NAV3: variants seen among roughly 807,000 people sequenced by gnomAD.
NAV3 encodes the protein pore membrane and/or filament interacting like protein 1.
In NAV3, 87 loss-of-function variants were observed where a neutral mutation model predicts 244.7. The observed-to-expected ratio is 0.36, with a 90% CI of 0.30 to 0.42. The LOEUF (loss-of-function observed/expected upper bound fraction) is 0.42. NAV3 is among the 20% of genes least tolerant of loss of function. NAV3 has a pLI of 1.00. For missense variants in NAV3, 2,663 were observed against 2,893.3 expected, an observed-to-expected ratio of 0.92 and a Z score of 1.83; for synonymous variants, 1,126 against 1,042.2, an observed-to-expected ratio of 1.08 and a Z score of -1.55.
intron 2 of NAV3, among the ~76,000 whole-genome samples, chr12:77,673,004 ATT>A (rs538699479): frequency 1.1e-4 from 16 of 152,162 alleles, no homozygotes; most frequent in African/African-American, 3.9e-4. Flanking sequence ...CGTGATATGT[ATT>A]TGTACATTCA....
Position 78,211,521 on chromosome 12 carries a change from C to G in NAV3, c.*1004C>G, listed in dbSNP as rs1960885289. On this transcript the variant is annotated 3_prime_UTR_variant, in exon 40 of 40. Transcript: ENST00000397909. ...ATAGGAGAAAGATCAGTATTTTTAG[C>G]CTTGTGAATAGATCGCTTTGCCTAT... 1 of 144,320 alleles carries G rather than the reference C, an allele frequency of 6.9e-6. No homozygotes were observed. Among genetic ancestry groups the G allele is most frequent in the Non-Finnish European group, 1.5e-5 (1 of 66,316 alleles). The allele number at this position is 144,320 out of a possible 1,614,324, so 8.9% of individuals were successfully genotyped here.
intron 8 of NAV3, among the ~76,000 whole-genome samples, chr12:78,012,209 T>A (rs1047295852): frequency 6.6e-6 from 1 of 152,144 alleles, no homozygotes; most frequent in Non-Finnish European, 1.5e-5. Flanking sequence ...TAACCCTTCT[T>A]CTGAAACATA....
chr12:78,110,563 A>G (rs1439982923), intron 12 of NAV3, among the ~76,000 whole-genome samples: 1 of 152,056 alleles, frequency 6.6e-6, no homozygotes, highest in Non-Finnish European at 1.5e-5. Flanking sequence ...GGATTTTATC[A>G]ATTTGTACAA....
chr12:78,160,935 C>G (rs926926344), intron 23 of NAV3, among the ~76,000 whole-genome samples: 10 of 151,370 alleles, frequency 6.6e-5, no homozygotes, highest in South Asian at 2.1e-4. Flanking sequence ...TTTCTCCTCC[C>G]TTACACCCTT....
chr12:77,818,772 G>A (rs1872618919), intron 2 of NAV3, among the ~76,000 whole-genome samples: 1 of 152,004 alleles, frequency 6.6e-6, no homozygotes, highest in African/African-American at 2.4e-5. Context: ...TGCATTTGAG[G>A]AAATCAATTT....
intron 2 of NAV3, among the ~76,000 whole-genome samples, chr12:77,785,948 T>C (rs889980736): frequency 2.6e-5 from 4 of 152,228 alleles, no homozygotes; most frequent in African/African-American, 9.6e-5. Context: ...GTTTGTTACA[T>C]TCAACCTTAA....
chr12:77,611,269 C>T (rs566434531), intron 2 of NAV3, among the ~76,000 whole-genome samples: 3 of 151,892 alleles, frequency 2.0e-5, no homozygotes, highest in African/African-American at 7.2e-5. Flanking sequence ...TTTTACTGGA[C>T]CATTTTGTTT....
intron 1 of NAV3, among the ~76,000 whole-genome samples, chr12:77,866,265 AGAATT>A (rs1482356757): frequency 6.6e-6 from 1 of 152,228 alleles, no homozygotes; most frequent in African/African-American, 2.4e-5. Flanking sequence ...ATTCTATTGA[AGAATT>A]GAAAGTGAAT....
intron 3 of NAV3, among the ~76,000 whole-genome samples, chr12:77,960,962 T>C (rs1287361557): frequency 6.8e-6 from 1 of 146,002 alleles, no homozygotes; most frequent in Non-Finnish European, 1.5e-5. Context: ...CTTATGCATG[T>C]AATATATGTA....
At chr12:78,069,957 G>T (rs1381878445) in intron 12 of NAV3, among the ~76,000 whole-genome samples, 2 of 151,930 alleles carry the variant, frequency 1.3e-5, no homozygotes, top group African/African-American at 4.8e-5. Context: ...GAAATATTTT[G>T]TCAGTTAGGT....
chr12:77,816,289 G>C (rs1872525201), intron 2 of NAV3, among the ~76,000 whole-genome samples: 2 of 152,160 alleles, frequency 1.3e-5, no homozygotes, highest in Non-Finnish European at 2.9e-5. Flanking sequence ...GTGTAAATAA[G>C]TGTTTTAACT....
chr12:77,663,090 A>G (rs911423368), intron 2 of NAV3, among the ~76,000 whole-genome samples: 1 of 152,232 alleles, frequency 6.6e-6, no homozygotes, highest in African/African-American at 2.4e-5. Flanking sequence ...TTAAGAATAC[A>G]TTAAGCACAA....
intron 1 of NAV3, among the ~76,000 whole-genome samples, chr12:77,862,028 C>T (rs1879331573): frequency 1.3e-5 from 2 of 151,698 alleles, no homozygotes; most frequent in Non-Finnish European, 3.0e-5. Context: ...TACTTTTCTA[C>T]TTTCTCATTT....
intron 5 of NAV3, among the ~76,000 whole-genome samples, chr12:77,973,223 G>T (rs929606248): frequency 1.3e-5 from 2 of 151,944 alleles, no homozygotes; most frequent in Non-Finnish European, 2.9e-5. Flanking sequence ...ACAGATAGTG[G>T]TTATTAAATC....
At chr12:78,143,323 G>T (rs1956707847) in intron 20 of NAV3, 1 of 452,974 alleles carries the variant, frequency 2.2e-6, no homozygotes, top group South Asian at 1.6e-5. Flanking sequence ...CAAACTTATG[G>T]TTTTTGTGTT....
chr12:77,817,554 C>A (rs1872570515), intron 2 of NAV3, among the ~76,000 whole-genome samples: 1 of 143,932 alleles, frequency 6.9e-6, no homozygotes, highest in East Asian at 2.4e-4. Context: ...TTTTTTTAAA[C>A]TGCAGATGCA....
At chr12:77,745,854 A>G (rs974124363) in intron 2 of NAV3, among the ~76,000 whole-genome samples, 2 of 151,976 alleles carry the variant, frequency 1.3e-5, no homozygotes, top group African/African-American at 4.8e-5. Flanking sequence ...AAATAAATGG[A>G]ATAACAGTGA....
chr12:77,797,988 G>A (rs1262085903), intron 2 of NAV3, among the ~76,000 whole-genome samples: 1 of 151,808 alleles, frequency 6.6e-6, no homozygotes, highest in Non-Finnish European at 1.5e-5. Flanking sequence ...GGGTAACGTG[G>A]TGAAACCCTG....
intron 1 of NAV3, among the ~76,000 whole-genome samples, chr12:77,833,803 G>A (rs1177814645): frequency 6.6e-6 from 1 of 152,146 alleles, no homozygotes; most frequent in African/African-American, 2.4e-5. Context: ...GGAGCCATAA[G>A]GCGGAAAGGT....
Sources: gnomAD v4.1 joint callset for allele counts (sites outside exome capture counted in the v4.1 genomes callset) on GRCh38, gnomAD v4.1.1 for gene constraint, MANE v1.5 for transcripts, NCBI Gene and HGNC (gene_info 2026-07-23, HGNC 2026-07-21) for gene names.